The following ZBTB44 variants were observed in gnomAD, a reference collection of about 807,000 sequenced individuals.
ZBTB44 encodes the protein zinc finger and BTB domain-containing protein 44.
Under a neutral mutation model 54.0 loss-of-function variants are expected in ZBTB44, and 15 were observed. The observed-to-expected ratio is 0.28, with a 90% CI of 0.19 to 0.43. The LOEUF (loss-of-function observed/expected upper bound fraction) is 0.43. Ranked by LOEUF, ZBTB44 falls within the 20% of genes least tolerant of loss-of-function variation. ZBTB44 has a pLI of 1.00. For missense variants in ZBTB44, 487 were observed against 707.1 expected (o/e 0.69, Z 3.53); for synonymous variants, 230 against 250.1 (o/e 0.92, Z 0.76).
intron 1 of ZBTB44, chr11:130,284,887 T>C (rs1458902388): frequency 6.6e-6 from 1 of 151,870 alleles, no homozygotes; most frequent in African/African-American, 2.4e-5. Flanking sequence ...AAAAGTCCAC[T>C]GCTTTGTACA....
chr11:130,261,650 T>C lies in ZBTB44; in HGVS notation c.224A>G (p.His75Arg), dbSNP rs771233666. The C allele has an allele frequency of 2.5e-6, 4 of 1,614,046 alleles. No homozygotes were observed. The highest frequency in any genetic ancestry group is 1.1e-5 in the South Asian group (1 of 91,082). Residue 75 changes from histidine to arginine, a missense_variant, in exon 2 of 8, where the codon CAT becomes CGT. Physicochemically the swap from His to Arg is conservative, Grantham distance 29. Around this residue, in one of 3 missense-constraint regions of ZBTB44, gnomAD observed 90 missense variants for 160.3 expected, o/e 0.56. Coordinates refer to ENST00000357899, the MANE Select transcript of ZBTB44 (RefSeq NM_001301098.2). The surrounding 1 kb of genome is among the most constrained non-coding windows in gnomAD (Gnocchi z 4.8). ...TATAAAGCCAGTCACTGTAACATGA[T>C]GCAGATCCAACACATTCTTGTTCTC... ...EDENKNVLDL[H>R]HVTVTGFIPL... is the part of the protein sequence containing the mutation.
At chr11:130,267,428 C>G (rs920288763) in intron 1 of ZBTB44, among the ~76,000 whole-genome samples, 3 of 151,956 alleles carry the variant, frequency 2.0e-5, no homozygotes, top group Admixed American at 1.3e-4. Context: ...GTTTTAGAGG[C>G]AGGGTCTCAC....
Position 130,238,137 on chromosome 11 carries a change from T to C in ZBTB44, c.1267+307A>G, listed in dbSNP as rs1370467110. On this transcript the variant is annotated intron_variant, in intron 4 of 7. Transcript: ENST00000357899. ...CCCATACAGACCCTTTTAACCCTATTTGCTTTACCATCTGTGTTTGTGATT... is the reference window on the plus strand; with the variant it reads ...CCCATACAGACCCTTTTAACCCTATCTGCTTTACCATCTGTGTTTGTGATT... 6.6e-5 allele frequency among the ~76,000 whole-genome samples: 10 copies of C among 152,216 alleles called. No homozygotes were observed. In the East Asian group the frequency reaches 1.9e-3, roughly 29 times the overall value.
At chr11:130,267,929 CG>C (rs1167376664) in intron 1 of ZBTB44, among the ~76,000 whole-genome samples, 1 of 151,748 alleles carries the variant, frequency 6.6e-6, no homozygotes, top group Admixed American at 6.6e-5. Context: ...AAAAATTAGC[CG>C]GGTGTGGTGG....
intron 2 of ZBTB44, among the ~76,000 whole-genome samples, chr11:130,241,004 A>AT (rs1217403348): frequency 6.6e-6 from 1 of 152,226 alleles, no homozygotes; most frequent in African/African-American, 2.4e-5. Context: ...GGGTCATACT[A>AT]TATGTATTCT....
At position 130,263,532 on chromosome 11, in the gene ZBTB44, C is replaced by T. The variant is rs150660559; in HGVS notation, c.-56-1603G>A. Among the ~76,000 whole-genome samples the T allele has an allele frequency of 4.6e-5, 7 of 152,284 alleles. No homozygotes were observed. The East Asian group carries it at 1.4e-3, about 29-fold the overall frequency. On this transcript the variant is annotated intron_variant, in intron 1 of 7. Coordinates refer to ENST00000357899, the MANE Select transcript of ZBTB44 (RefSeq NM_001301098.2). Reference sequence around the variant, plus strand: ...AGTGAATTAGTTATAATCCAGGGACCATCTGCATGAACAAAGGTGTGAAGG... The same window carrying T: ...AGTGAATTAGTTATAATCCAGGGACTATCTGCATGAACAAAGGTGTGAAGG...
intron 2 of ZBTB44, among the ~76,000 whole-genome samples, 171 bp from the exon 3 acceptor site, chr11:130,240,067 A>C (rs1264283951): frequency 4.5e-5 from 6 of 133,330 alleles, no homozygotes; most frequent in Non-Finnish European, 7.8e-5. Context: ...TTTGAGACTG[A>C]GTCTCGCTCT....
At chr11:130,287,347 G>A (rs1217809455) in intron 1 of ZBTB44, among the ~76,000 whole-genome samples, 2 of 152,186 alleles carry the variant, frequency 1.3e-5, no homozygotes, top group Non-Finnish European at 2.9e-5. Flanking sequence ...CAGAGCAAGA[G>A]TGTTAACTAT....
intron 2 of ZBTB44, 64 bp from the exon 3 acceptor site, chr11:130,239,960 A>G: frequency 8.6e-7 from 1 of 1,168,298 alleles, no homozygotes; most frequent in South Asian, 1.3e-5. Context: ...ATTGTAACTG[A>G]AAGCTATATT....
chr11:130,255,495 C>A (rs907545297), intron 2 of ZBTB44, among the ~76,000 whole-genome samples: 9 of 152,066 alleles, frequency 5.9e-5, no homozygotes, highest in African/African-American at 2.2e-4. Flanking sequence ...ATTAAAAGAA[C>A]TAGAGAAGCA....
chr11:130,257,744 T>TA (rs1938558580), intron 2 of ZBTB44, among the ~76,000 whole-genome samples: 1 of 152,192 alleles, frequency 6.6e-6, no homozygotes, highest in African/African-American at 2.4e-5. Context: ...ACAAAGTTAA[T>TA]ATGGTCTTCC....
At chr11:130,250,975 G>A (rs541806002) in intron 2 of ZBTB44, among the ~76,000 whole-genome samples, 4 of 152,066 alleles carry the variant, frequency 2.6e-5, no homozygotes, top group African/African-American at 4.8e-5. Flanking sequence ...TCAGAAGGTC[G>A]GTAATAACAA....
At chr11:130,280,689 C>G (rs1245356732) in intron 1 of ZBTB44, among the ~76,000 whole-genome samples, 1 of 152,172 alleles carries the variant, frequency 6.6e-6, no homozygotes, top group Non-Finnish European at 1.5e-5. Flanking sequence ...AAATTGGTAA[C>G]AGAAAGGTAA....
intron 6 of ZBTB44, 27 bp downstream of exon 6, chr11:130,234,129 G>A: frequency 1.9e-6 from 3 of 1,544,120 alleles, no homozygotes; most frequent in Non-Finnish European, 2.6e-6. Context: ...AGGGAAAAGT[G>A]CTTTCACAAT....
chr11:130,306,177 C>T (rs1490165503), intron 1 of ZBTB44, among the ~76,000 whole-genome samples: 3 of 152,074 alleles, frequency 2.0e-5, no homozygotes, highest in Admixed American at 6.6e-5. Flanking sequence ...CTAGTACAAC[C>T]ACTATGAAAA....
rs1465169125 is a variant in ZBTB44 at position 130,226,826 on chromosome 11, A to T, written c.*4938T>A. 1 of 152,140 alleles carries T rather than the reference A, an allele frequency of 6.6e-6. No individual in the cohort carries two copies. The highest frequency in any genetic ancestry group is 1.5e-5 in the Non-Finnish European group (1 of 68,036). The allele number at this position is 152,140 out of a possible 1,614,324, so 9.4% of individuals were successfully genotyped here. A position where few individuals can be genotyped will look rare whatever the true frequency, so the allele number is the denominator to read the frequency against. The stretch of plus-strand genomic sequence containing the variant: ...AACTTTATGTGTGACCATGTAATAA[A>T]GGCCAGTTTAAAGATTTTTTTTTTA... On this transcript the variant is annotated 3_prime_UTR_variant, in exon 8 of 8. Coordinates refer to ENST00000357899, the MANE Select transcript of ZBTB44 (RefSeq NM_001301098.2).
At position 130,266,198 on chromosome 11, in the gene ZBTB44, C is replaced by T. The variant is rs892168618; in HGVS notation, c.-56-4269G>A. Among the ~76,000 whole-genome samples the T allele has an allele frequency of 2.0e-5, 3 of 152,348 alleles. No homozygotes were observed. In the South Asian group the frequency reaches 6.2e-4, roughly 32 times the overall value. ...CCTTAACGATTAGGCTCAATCTATTCTGCCTGTGCTCTGTAAGTGAAACAA... is the reference window on the plus strand; with the variant it reads ...CCTTAACGATTAGGCTCAATCTATTTTGCCTGTGCTCTGTAAGTGAAACAA... On this transcript the variant is annotated intron_variant, in intron 1 of 7. Transcript: ENST00000357899.
At chr11:130,286,832 C>T (rs1213233540) in intron 1 of ZBTB44, among the ~76,000 whole-genome samples, 1 of 152,214 alleles carries the variant, frequency 6.6e-6, no homozygotes, top group Non-Finnish European at 1.5e-5. Context: ...TTTCTGAGGA[C>T]TGTCATACAG....
intron 1 of ZBTB44, chr11:130,296,404 T>C: frequency 6.7e-7 from 1 of 1,498,182 alleles, no homozygotes; most frequent in Non-Finnish European, 9.0e-7. Context: ...TTGCCCGTCT[T>C]GGCCATTCAT....
Sources: gnomAD v4.1 joint callset for allele counts (sites outside exome capture counted in the v4.1 genomes callset) on GRCh38, gnomAD v4.1.1 for gene constraint, gnomAD v4.1.1 regional missense constraint, Gnocchi (gnomAD v3.1) non-coding constraint, MANE v1.5 for transcripts, NCBI Gene and HGNC (gene_info 2026-07-23, HGNC 2026-07-21) for gene names.